NCALD: variants seen among roughly 807,000 people sequenced by gnomAD.
NCALD encodes neurocalcin delta.
In NCALD, 10 loss-of-function variants were observed where a neutral mutation model predicts 18.6. The observed-to-expected ratio is 0.54, with a 90% CI of 0.33 to 0.91. The LOEUF (loss-of-function observed/expected upper bound fraction) is 0.91, where lower values mean the gene tolerates loss of function less well. Ranked by LOEUF, NCALD falls within the 40% of genes least tolerant of loss-of-function variation. The probability of loss-of-function intolerance (pLI) is 0.03; values close to 1 mark genes in which losing one functional copy is unlikely to be tolerated. For synonymous variants in NCALD, 88 were observed against 87.4 expected, an observed-to-expected ratio of 1.01 and a Z score of -0.04; for missense variants, 184 against 247.6, an observed-to-expected ratio of 0.74 and a Z score of 1.72.
At chr8:101,953,817 G>A (rs1471896106) in intron 2 of NCALD, among the ~76,000 whole-genome samples, 1 of 152,236 alleles carries the variant, frequency 6.6e-6, no homozygotes, top group Non-Finnish European at 1.5e-5. Flanking sequence ...GGGGGTAATG[G>A]GAATTCCCAA....
intron 1 of NCALD, among the ~76,000 whole-genome samples, chr8:102,121,857 T>G (rs1825954810): frequency 6.6e-6 from 1 of 152,096 alleles, no homozygotes; most frequent in Admixed American, 6.5e-5. Context: ...TATCGTAGAG[T>G]GTTAGATATA....
rs544288529 is a variant in NCALD at position 102,047,695 on chromosome 8, A to C, written c.-209-27406T>G. Among the ~76,000 whole-genome samples the C allele has an allele frequency of 4.6e-5, 7 of 152,370 alleles. No homozygotes were observed. In the East Asian group the frequency reaches 1.3e-3, roughly 29 times the overall value. On this transcript the variant is annotated intron_variant, in intron 1 of 6. Coordinates refer to the NCALD transcript ENST00000311028. ...GAGCATTTATCCGGGACCAAGCATT[A>C]GCCTAAGCCTTTTTTATACACTTTA... is the stretch of plus-strand genomic sequence containing the variant.
chr8:101,692,211 G>A, intron 3 of NCALD: 1 of 985,362 alleles, frequency 1.0e-6, no homozygotes, highest in Non-Finnish European at 1.2e-6. Flanking sequence ...ACTTCGTTGG[G>A]TTTGAATTGT....
chr8:102,013,543 C>G (rs918138511), intron 2 of NCALD, among the ~76,000 whole-genome samples: 1 of 152,118 alleles, frequency 6.6e-6, no homozygotes, highest in Non-Finnish European at 1.5e-5. Context: ...ATTCACTGGC[C>G]AGGGCAACCA....
intron 2 of NCALD, among the ~76,000 whole-genome samples, chr8:101,946,685 T>A (rs1563922551): frequency 6.6e-6 from 1 of 151,966 alleles, no homozygotes; most frequent in Non-Finnish European, 1.5e-5. Flanking sequence ...TCACACTTTA[T>A]GAAAAGTTTA....
intron 2 of NCALD, among the ~76,000 whole-genome samples, chr8:101,995,284 T>C (rs1821196030): frequency 6.6e-6 from 1 of 152,218 alleles, no homozygotes; most frequent in Non-Finnish European, 1.5e-5. Flanking sequence ...ATTGAAAACC[T>C]GTATAAGCCA....
intron 4 of NCALD, among the ~76,000 whole-genome samples, chr8:101,801,969 A>C (rs1419429714): frequency 2.6e-5 from 4 of 152,024 alleles, no homozygotes; most frequent in Non-Finnish European, 5.9e-5. Flanking sequence ...CCCGGCCAGC[A>C]TACTTCCTCT....
chr8:102,076,190 G>C (rs1162508532), intron 1 of NCALD, among the ~76,000 whole-genome samples: 1 of 152,040 alleles, frequency 6.6e-6, no homozygotes, highest in Non-Finnish European at 1.5e-5. Flanking sequence ...CATGAAACGT[G>C]TTTATTAAGA....
chr8:101,919,855 T>C (rs988028396), intron 2 of NCALD, among the ~76,000 whole-genome samples: 1 of 152,160 alleles, frequency 6.6e-6, no homozygotes, highest in Non-Finnish European at 1.5e-5. Flanking sequence ...CCAGTTAGAA[T>C]GGCTATTATT....
chr8:101,995,275 T>C (rs1821195323), intron 2 of NCALD, among the ~76,000 whole-genome samples: 1 of 152,188 alleles, frequency 6.6e-6, no homozygotes, highest in African/African-American at 2.4e-5. Context: ...ATTCACAACA[T>C]TGAAAACCTG....
intron 4 of NCALD, among the ~76,000 whole-genome samples, chr8:101,801,760 G>A (rs1382663242): frequency 1.4e-5 from 2 of 139,476 alleles, no homozygotes; most frequent in Non-Finnish European, 3.0e-5. Flanking sequence ...TCCGCCTCCC[G>A]GGTTCACGCC....
At chr8:101,707,880 T>TAATAAATAAATA (rs562856899) in intron 2 of NCALD, among the ~76,000 whole-genome samples, 1 of 151,244 alleles carries the variant, frequency 6.6e-6, no homozygotes, top group African/African-American at 2.4e-5. Flanking sequence ...AAAATGGTAA[T>TAATAAATAAATA]AATAAATAAA....
chr8:101,959,725 T>C (rs1819766695), intron 2 of NCALD, among the ~76,000 whole-genome samples: 2 of 152,156 alleles, frequency 1.3e-5, no homozygotes, highest in Admixed American at 6.6e-5. Flanking sequence ...AACTTGTACT[T>C]TGCCTGCCCT....
intron 4 of NCALD, among the ~76,000 whole-genome samples, chr8:101,808,163 G>C (rs1273200709): frequency 6.6e-6 from 1 of 152,082 alleles, no homozygotes; most frequent in African/African-American, 2.4e-5. Context: ...ATACCTTAGT[G>C]GTCACCCAGT....
At chr8:101,871,535 G>C (rs754027684) in intron 4 of NCALD, among the ~76,000 whole-genome samples, 1 of 151,470 alleles carries the variant, frequency 6.6e-6, no homozygotes, top group African/African-American at 2.4e-5. Context: ...TGTGCCAGGG[G>C]AGATGTTCCC....
At chr8:102,003,738 A>T (rs1302439462) in intron 2 of NCALD, among the ~76,000 whole-genome samples, 3 of 152,256 alleles carry the variant, frequency 2.0e-5, no homozygotes, top group Non-Finnish European at 2.9e-5. Context: ...GCAAATCAAT[A>T]AATGCAATCC....
intron 1 of NCALD, among the ~76,000 whole-genome samples, chr8:102,088,711 A>G (rs1824822845): frequency 6.6e-6 from 1 of 152,218 alleles, no homozygotes; most frequent in Admixed American, 6.5e-5. Context: ...GACTAAAACA[A>G]AAACAAAAAC....
intron 1 of NCALD, among the ~76,000 whole-genome samples, chr8:102,027,756 C>T (rs1302764936): frequency 6.6e-6 from 1 of 152,170 alleles, no homozygotes; most frequent in Non-Finnish European, 1.5e-5. Flanking sequence ...GTTTAATTGA[C>T]TCACAGTTAT....
intron 2 of NCALD, among the ~76,000 whole-genome samples, chr8:101,937,649 G>T (rs371193261): frequency 6.6e-6 from 1 of 152,050 alleles, no homozygotes; most frequent in South Asian, 2.1e-4. Flanking sequence ...AATTCACAGG[G>T]TCACACCTTT....
Sources: gnomAD v4.1 joint callset for allele counts (sites outside exome capture counted in the v4.1 genomes callset) on GRCh38, gnomAD v4.1.1 for gene constraint, MANE v1.5 for transcripts, NCBI Gene and HGNC (gene_info 2026-07-23, HGNC 2026-07-21) for gene names.